Variants in WNT8B observed in about 807,000 individuals in gnomAD.
The protein encoded by WNT8B is Wnt family member 8B, also known as protein Wnt-8b.
Under a neutral mutation model 36.6 loss-of-function variants are expected in WNT8B, and 24 were observed. That is an observed-to-expected ratio of 0.66 (90% CI 0.48 to 0.92). The LOEUF (loss-of-function observed/expected upper bound fraction) is 0.92, where lower values mean the gene tolerates loss of function less well. WNT8B is among the 40% of genes least tolerant of loss of function. The probability of loss-of-function intolerance (pLI) is 0.00; values close to 1 mark genes in which losing one functional copy is unlikely to be tolerated. For missense variants in WNT8B, 402 were observed against 470.8 expected, an observed-to-expected ratio of 0.85 and a Z score of 1.35; for synonymous variants, 199 against 189.8, an observed-to-expected ratio of 1.05 and a Z score of -0.40.
intron 1 of WNT8B, among the ~76,000 whole-genome samples, chr10:100,464,161 G>A (rs1850886795): frequency 6.6e-6 from 1 of 152,150 alleles, no homozygotes; most frequent in Non-Finnish European, 1.5e-5. Flanking sequence ...TTTCTTTGCT[G>A]AGATAAGCTT....
At chr10:100,471,006 G>A (rs1850970942) in intron 1 of WNT8B, among the ~76,000 whole-genome samples, 1 of 152,072 alleles carries the variant, frequency 6.6e-6, no homozygotes, top group South Asian at 2.1e-4. Flanking sequence ...GCCTCCCAAA[G>A]TGCTGGGATT....
At position 100,483,039 on chromosome 10, in the gene WNT8B, T is replaced by C; in HGVS notation, c.*223T>C. 1 of 499,672 alleles carries C rather than the reference T, an allele frequency of 2.0e-6. No individual in the cohort carries two copies. Among genetic ancestry groups the C allele is most frequent in the South Asian group, 4.3e-5 (1 of 23,452 alleles). The allele number at this position is 499,672 out of a possible 1,614,324, so 31.0% of individuals were successfully genotyped here. On this transcript the variant is annotated 3_prime_UTR_variant, in exon 6 of 6. Transcript: ENST00000343737. ...GAATCCTCGCAGCCACACCTAGGTC[T>C]GAGAACTCAGGCTTTGAGTTACTGA...
At position 100,478,591 on chromosome 10, in the gene WNT8B, T is replaced by G. The variant is rs28670282; in HGVS notation, c.69-461T>G. 6.7e-3 allele frequency among the ~76,000 whole-genome samples: 1,016 copies of G among 152,202 alleles called. 14 individuals are homozygous for G. Among genetic ancestry groups the G allele is most frequent in the African/African-American group, 0.022 (933 of 41,518 alleles). ...TTTATGTGTGTGTGTGTTTTTTTTT[T>G]TTTGTTTTGAAACAGAATTTTGCTC... On this transcript the variant is annotated intron_variant, in intron 1 of 5. Coordinates refer to ENST00000343737, the MANE Select transcript of WNT8B (RefSeq NM_003393.4).
In WNT8B at chr10:100,463,501, G is replaced by A. The variant is rs11815207; in HGVS notation, c.68+265G>A. 1.3e-3 allele frequency among the ~76,000 whole-genome samples: 204 copies of A among 152,230 alleles called. 1 individual carries two copies. The highest frequency in any genetic ancestry group is 4.5e-3 in the African/African-American group (186 of 41,532). On this transcript the variant is annotated intron_variant, in intron 1 of 5. Coordinates refer to ENST00000343737, the MANE Select transcript of WNT8B (RefSeq NM_003393.4). ...ACAAATATTCCCCCAAAGTGATTTG[G>A]GGGTAAATGGACAGCAGCCCTTTTC...
chr10:100,477,536 T>C (rs1851053371), intron 1 of WNT8B, among the ~76,000 whole-genome samples: 1 of 152,122 alleles, frequency 6.6e-6, no homozygotes, highest in African/African-American at 2.4e-5. Flanking sequence ...CCTGACCTCA[T>C]GATCTGCCTG....
chr10:100,475,296 C>A (rs979483101), intron 1 of WNT8B, among the ~76,000 whole-genome samples: 4 of 152,172 alleles, frequency 2.6e-5, no homozygotes, highest in Admixed American at 2.6e-4. Flanking sequence ...CTGCAGTGAG[C>A]CGACATCACA....
rs112559927 is a variant in WNT8B at position 100,468,355 on chromosome 10, G to A, written c.68+5119G>A. Among the ~76,000 whole-genome samples, 541 of 152,242 alleles carry A rather than the reference G, an allele frequency of 3.6e-3. 2 individuals carry two copies. The highest frequency in any genetic ancestry group is 0.012 in the African/African-American group (512 of 41,550). On this transcript the variant is annotated intron_variant, in intron 1 of 5. Coordinates refer to ENST00000343737, the MANE Select transcript of WNT8B (RefSeq NM_003393.4). ...GATATAAACTGGTATTGTTTCCATC[G>A]ATGCAACTGAGAACATAAATGTTTT...
In WNT8B at chr10:100,467,772, C is replaced by G. The variant is rs114162036; in HGVS notation, c.68+4536C>G. ...TAAAATTTTCATACTATGGGAAAAA[C>G]ATGTTTTTACAAATGTTGAGAACAG... On this transcript the variant is annotated intron_variant, in intron 1 of 5. Transcript: ENST00000343737. 5.7e-3 allele frequency among the ~76,000 whole-genome samples: 868 copies of G among 152,278 alleles called. 10 individuals carry two copies. Among genetic ancestry groups the G allele is most frequent in the African/African-American group, 0.02 (846 of 41,560 alleles).
chr10:100,478,744 G>A (rs549697544), intron 1 of WNT8B, among the ~76,000 whole-genome samples: 4 of 151,908 alleles, frequency 2.6e-5, no homozygotes, highest in East Asian at 1.9e-4. Context: ...ACCATGCCCC[G>A]CTAATTTTTG....
chr10:100,471,222 T>C (rs1233020032), intron 1 of WNT8B, among the ~76,000 whole-genome samples: 1 of 152,240 alleles, frequency 6.6e-6, no homozygotes. Context: ...GTTTGCACAG[T>C]GACAAAATCA....
chr10:100,471,983 T>A (rs1169631537), intron 1 of WNT8B, among the ~76,000 whole-genome samples: 1 of 151,730 alleles, frequency 6.6e-6, no homozygotes, highest in Non-Finnish European at 1.5e-5. Context: ...TCACTTGAGG[T>A]CAGGAGTTCA....
chr10:100,481,925 G>A lies in WNT8B; in HGVS notation c.381G>A (p.Trp127Ter). Residue 127 changes from tryptophan (W) to a stop codon, truncating the protein, a stop_gained, in exon 5 of 6, where the codon TGG becomes TGA. Transcript: ENST00000343737. LOFTEE classifies it high-confidence loss of function. The part of the protein sequence containing the change: ...SRNGQLGGQG[W>*]LWGGCSDNVG... ...GCACTTTTCCAGGGGGACAAGGCTG[G>A]CTGTGGGGAGGCTGCAGTGACAATG... is the stretch of plus-strand genomic sequence containing the variant. 1 of 1,614,140 alleles carries A rather than the reference G, an allele frequency of 6.2e-7. No individual in the cohort carries two copies. Among genetic ancestry groups the A allele is most frequent in the Non-Finnish European group, 8.5e-7 (1 of 1,180,026 alleles).
At chr10:100,464,646 G>A (rs1850891602) in intron 1 of WNT8B, among the ~76,000 whole-genome samples, 1 of 152,140 alleles carries the variant, frequency 6.6e-6, no homozygotes, top group African/African-American at 2.4e-5. Flanking sequence ...TTGCTTGTCT[G>A]TCCAAATTCA....
chr10:100,468,679 GCCTATCACTCTATAAAATAT>G (rs1490167517), intron 1 of WNT8B, among the ~76,000 whole-genome samples: 1 of 152,248 alleles, frequency 6.6e-6, no homozygotes, highest in Non-Finnish European at 1.5e-5. Flanking sequence ...AGGGAAGATA[GCCTATCACTCTATAAAATAT>G]CCTGGAATAC....
chr10:100,476,568 C>T (rs1851040247), intron 1 of WNT8B, among the ~76,000 whole-genome samples: 1 of 142,240 alleles, frequency 7.0e-6, no homozygotes, highest in South Asian at 2.3e-4. Context: ...ATCTTATTGG[C>T]CTTCAGAATT....
intron 1 of WNT8B, among the ~76,000 whole-genome samples, chr10:100,477,601 A>G (rs1177351405): frequency 1.3e-5 from 2 of 151,946 alleles, no homozygotes; most frequent in Non-Finnish European, 1.5e-5. Flanking sequence ...ACCCGGCCAC[A>G]GTTTTTTAAA....
intron 1 of WNT8B, among the ~76,000 whole-genome samples, chr10:100,475,843 T>C (rs769117956): frequency 2.8e-4 from 42 of 152,282 alleles, no homozygotes; most frequent in Middle Eastern, 3.4e-3. Context: ...TCTTTAAGGA[T>C]CAGAAATTCA....
chr10:100,481,178 G>A, intron 4 of WNT8B, 55 bp downstream of exon 4: 1 of 1,598,934 alleles, frequency 6.3e-7, no homozygotes, highest in Non-Finnish European at 8.5e-7. Flanking sequence ...CATAAAGAAT[G>A]AAAAGCCTGG....
chr10:100,468,307 T>A (rs1424917765), intron 1 of WNT8B, among the ~76,000 whole-genome samples: 1 of 152,250 alleles, frequency 6.6e-6, no homozygotes, highest in Non-Finnish European at 1.5e-5. Context: ...GGAGTTACCA[T>A]GTACACCCAC....
Sources: gnomAD v4.1 joint callset for allele counts (sites outside exome capture counted in the v4.1 genomes callset) on GRCh38, gnomAD v4.1.1 for gene constraint, MANE v1.5 for transcripts, NCBI Gene and HGNC (gene_info 2026-07-23, HGNC 2026-07-21) for gene names.